TPTE: variants seen among roughly 807,000 people sequenced by gnomAD.
TPTE encodes the protein putative tyrosine-protein phosphatase TPTE.
In TPTE, 59 loss-of-function variants were observed where a neutral mutation model predicts 84.1. The observed-to-expected ratio is 0.70, with a 90% CI of 0.57 to 0.87. The LOEUF is 0.87. Ranked by LOEUF, TPTE falls within the 40% of genes least tolerant of loss-of-function variation. TPTE has a pLI of 0.00. For missense variants in TPTE, 382 were observed against 659.6 expected (o/e 0.58, Z 4.61); for synonymous variants, 130 against 223.5 (o/e 0.58, Z 3.73).
At position 10,541,119 on chromosome 21, in the gene TPTE, C is replaced by A; in HGVS notation, c.19C>A (p.Pro7Thr). MNESPD[P>T]TDLAGVIIEL... ...ACCATATTTGTCCTTTAGTCCTGAT[C>A]CGACTGACCTGGCGGGAGTCATCAT... The change falls in exon 5 of 24, where the codon CCG (proline) becomes ACG (threonine). Residue 7 changes from proline to threonine, a missense_variant. This residue lies in a region of TPTE where 63 missense variants were observed against 49.5 expected (regional missense o/e 1.27). Coordinates refer to ENST00000618007, the MANE Select transcript of TPTE (RefSeq NM_199261.4). 2 of 1,613,238 alleles carry A rather than the reference C, an allele frequency of 1.2e-6. No homozygotes were observed. Among genetic ancestry groups the A allele is most frequent in the Non-Finnish European group, 1.7e-6 (2 of 1,179,280 alleles).
chr21:10,540,214 G>A (rs1269067868), intron 4 of TPTE, among the ~76,000 whole-genome samples: 2 of 152,306 alleles, frequency 1.3e-5, no homozygotes, highest in Non-Finnish European at 2.9e-5. Flanking sequence ...AAGGAATACA[G>A]TTATACATGT....
intron 17 of TPTE, among the ~76,000 whole-genome samples, chr21:10,589,268 C>T (rs2075420724): frequency 6.6e-6 from 1 of 152,292 alleles, no homozygotes; most frequent in Non-Finnish European, 1.5e-5. Flanking sequence ...GGCTTTGCTT[C>T]TGCAGCCCTA....
intron 7 of TPTE, among the ~76,000 whole-genome samples, chr21:10,546,057 C>T (rs942258734): frequency 4.6e-5 from 7 of 152,298 alleles, no homozygotes; most frequent in African/African-American, 1.7e-4. Context: ...TATTGCCCCT[C>T]AGATATTACT....
intron 21 of TPTE, among the ~76,000 whole-genome samples, chr21:10,600,101 G>A (rs1461436712): frequency 2.0e-5 from 3 of 152,220 alleles, no homozygotes; most frequent in Non-Finnish European, 2.9e-5. Flanking sequence ...CACGCTGCCC[G>A]ACATTATTTG....
intron 19 of TPTE, among the ~76,000 whole-genome samples, chr21:10,593,860 TAGA>T (rs1246970923): frequency 2.0e-5 from 3 of 152,424 alleles, no homozygotes; most frequent in South Asian, 2.1e-4. Flanking sequence ...GGGAGCTGAG[TAGA>T]AGAACTCTCT....
At chr21:10,561,424 A>G (rs201429700) in intron 10 of TPTE, among the ~76,000 whole-genome samples, 11 of 152,260 alleles carry the variant, frequency 7.2e-5, no homozygotes, top group Non-Finnish European at 1.3e-4. Context: ...CCTGGGAGGC[A>G]GAAGTTGCAT....
intron 1 of TPTE, among the ~76,000 whole-genome samples, chr21:10,522,183 TC>T (rs2073992308): frequency 6.6e-6 from 1 of 152,288 alleles, no homozygotes; most frequent in Non-Finnish European, 1.5e-5. Context: ...GTGTCTGCTT[TC>T]TAGCCGCTCC....
intron 10 of TPTE, among the ~76,000 whole-genome samples, chr21:10,564,544 A>G (rs1166016584): frequency 8.5e-5 from 13 of 152,224 alleles, no homozygotes; most frequent in African/African-American, 3.1e-4. Flanking sequence ...CCCAAAAACC[A>G]AAACCAAAAC....
intron 8 of TPTE, among the ~76,000 whole-genome samples, chr21:10,554,138 TA>T (rs1309745179): frequency 2.6e-5 from 4 of 152,418 alleles, no homozygotes; most frequent in South Asian, 4.1e-4. Context: ...ATCATGGCTA[TA>T]TTTTTTTGTT....
intron 21 of TPTE, among the ~76,000 whole-genome samples, chr21:10,600,491 GA>G (rs1365061176): frequency 6.6e-6 from 1 of 152,306 alleles, no homozygotes; most frequent in African/African-American, 2.4e-5. Context: ...CCTCCATTTG[GA>G]CTAGATTCTG....
chr21:10,522,506 G>A (rs1360108204), intron 1 of TPTE, among the ~76,000 whole-genome samples: 2 of 152,312 alleles, frequency 1.3e-5, no homozygotes, highest in Non-Finnish European at 2.9e-5. Flanking sequence ...GGAAGGGCTG[G>A]GACAAGTTGG....
rs537000723 is a variant in TPTE at position 10,554,868 on chromosome 21, A to C, written c.233+2152A>C. On this transcript the variant is annotated intron_variant, in intron 8 of 23. Coordinates refer to ENST00000618007, the MANE Select transcript of TPTE (RefSeq NM_199261.4). ...CTAAGTGACTCATAGTTTTTTCAGC[A>C]TGAACATGTCATCCCTCTGTATTGT... 2.0e-5 allele frequency among the ~76,000 whole-genome samples: 3 copies of C among 152,424 alleles called. No individual in the cohort carries two copies. The South Asian group carries it at 6.2e-4, about 32-fold the overall frequency.
chr21:10,561,286 G>A (rs1410102516), intron 10 of TPTE, 95 bp downstream of exon 10: 1 of 1,505,502 alleles, frequency 6.6e-7, no homozygotes, highest in Non-Finnish European at 9.0e-7. Context: ...AAGGTCAGGA[G>A]TTCGAGACGA....
At chr21:10,538,651 G>T (rs1463605780) in intron 3 of TPTE, 30 bp from the exon 4 acceptor site, 40 of 1,613,910 alleles carry the variant, frequency 2.5e-5, no homozygotes, top group Non-Finnish European at 3.4e-5. Flanking sequence ...TGTGTCTCCT[G>T]TCTGACTATA....
At chr21:10,553,832 G>C (rs1290376026) in intron 8 of TPTE, among the ~76,000 whole-genome samples, 1 of 152,304 alleles carries the variant, frequency 6.6e-6, no homozygotes, top group Admixed American at 6.5e-5. Context: ...ATGTAAACTG[G>C]CTATAATGCA....
chr21:10,574,454 A>G (rs1421217869), intron 14 of TPTE, among the ~76,000 whole-genome samples: 6 of 152,306 alleles, frequency 3.9e-5, no homozygotes, highest in African/African-American at 9.6e-5. Context: ...ACCAAGGGCT[A>G]TAGGAATTAA....
At chr21:10,547,740 T>C (rs937127882) in intron 7 of TPTE, among the ~76,000 whole-genome samples, 17 of 152,290 alleles carry the variant, frequency 1.1e-4, no homozygotes, top group African/African-American at 4.1e-4. Flanking sequence ...CATGGGTGGG[T>C]TAAAGCCACA....
At position 10,596,012 on chromosome 21, in the gene TPTE, A is replaced by G. The variant is rs146717676; in HGVS notation, c.1201A>G (p.Lys401Glu). The G allele has an allele frequency of 2.3e-4, 368 of 1,612,956 alleles. No individual in the cohort carries two copies. In the African/African-American group the frequency reaches 4.6e-3, roughly 20 times the overall value. ...KRYVAYFAQVKHLYNWNLPPR... is the reference protein window; with the variant it reads ...KRYVAYFAQVEHLYNWNLPPR... ...ATATGTTGCATATTTTGCACAAGTG[A>G]AACATCTCTACAACTGGAATCTCCC... is the stretch of plus-strand genomic sequence containing the variant. Residue 401 changes from lysine to glutamate, a missense_variant, in exon 20 of 24, where the codon AAA (lysine) becomes GAA (glutamate). Physicochemically the swap from Lys to Glu is moderately conservative, Grantham distance 56 (BLOSUM62 1). Around this residue, in one of 10 missense-constraint regions of TPTE, gnomAD observed 19 missense variants for 59.2 expected, o/e 0.32. Coordinates refer to ENST00000618007, the MANE Select transcript of TPTE (RefSeq NM_199261.4).
chr21:10,565,747 T>C (rs2074907082), intron 10 of TPTE, among the ~76,000 whole-genome samples: 1 of 152,306 alleles, frequency 6.6e-6, no homozygotes. Context: ...GCCAAGAACG[T>C]ACATTGAACA....
Sources: allele counts gnomAD v4.1 joint callset (sites outside exome capture counted in the v4.1 genomes callset), GRCh38; gene constraint gnomAD v4.1.1; regional missense constraint gnomAD v4.1.1; transcripts MANE v1.5; gene names NCBI Gene and HGNC (gene_info 2026-07-23, HGNC 2026-07-21).